Variants in SORCS2 observed in about 807,000 individuals in gnomAD.
SORCS2 encodes sortilin related VPS10 domain containing receptor 2.
A neutral mutation model predicts 141.6 loss-of-function variants in SORCS2; 100 were observed. That is an observed-to-expected ratio of 0.71 (90% confidence interval 0.60 to 0.83). The LOEUF is 0.83. Ranked by LOEUF, SORCS2 falls within the 40% of genes least tolerant of loss-of-function variation. SORCS2 has a pLI of 0.00. For synonymous variants in SORCS2, 789 were observed against 676.9 expected, an observed-to-expected ratio of 1.17 and a Z score of -2.57; for missense variants, 1,646 against 1,560.2, an observed-to-expected ratio of 1.05 and a Z score of -0.93.
chr4:7,717,619 C>T (rs1726281600), intron 17 of SORCS2, among the ~76,000 whole-genome samples: 1 of 152,134 alleles, frequency 6.6e-6, no homozygotes, highest in South Asian at 2.1e-4. Flanking sequence ...GGAGGCAGGA[C>T]CCCAGGCCCT....
chr4:7,668,260 T>C (rs780168086), intron 8 of SORCS2, among the ~76,000 whole-genome samples: 30 of 152,216 alleles, frequency 2.0e-4, no homozygotes, highest in Non-Finnish European at 3.5e-4. Flanking sequence ...CACAGAGTGA[T>C]GGAGGGCGTG....
At chr4:7,280,659 A>T (rs535150330) in intron 1 of SORCS2, among the ~76,000 whole-genome samples, 11 of 152,186 alleles carry the variant, frequency 7.2e-5, no homozygotes, top group Admixed American at 2.0e-4. Flanking sequence ...ACTGATTTCA[A>T]TTCCCACCAT....
intron 3 of SORCS2, among the ~76,000 whole-genome samples, chr4:7,597,027 C>T (rs756557405): frequency 6.6e-6 from 1 of 151,960 alleles, no homozygotes; most frequent in Non-Finnish European, 1.5e-5. Flanking sequence ...TGCCACCTCT[C>T]TGTGCCTGGG....
chr4:7,489,054 G>A (rs1485714179), intron 2 of SORCS2, among the ~76,000 whole-genome samples: 3 of 152,168 alleles, frequency 2.0e-5, no homozygotes, highest in Non-Finnish European at 4.4e-5. Flanking sequence ...CTAAGGCTGG[G>A]GATACCTTCA....
intron 2 of SORCS2, among the ~76,000 whole-genome samples, chr4:7,398,963 C>A (rs557964997): frequency 6.6e-6 from 1 of 152,362 alleles, no homozygotes; most frequent in African/African-American, 2.4e-5. Flanking sequence ...CCCACCTGGG[C>A]AGTGCCCTGC....
intron 1 of SORCS2, among the ~76,000 whole-genome samples, chr4:7,210,419 C>A (rs1727995215): frequency 6.6e-6 from 1 of 152,244 alleles, no homozygotes; most frequent in Non-Finnish European, 1.5e-5. Flanking sequence ...GTAACTAGGA[C>A]TATAGGCACG....
intron 4 of SORCS2, among the ~76,000 whole-genome samples, chr4:7,645,153 A>G (rs55844833): frequency 0.046 from 6,976 of 152,196 alleles, 527 homozygotes; most frequent in African/African-American, 0.16. Flanking sequence ...TTAGGCATCT[A>G]TTGACTGTGG....
At chr4:7,683,709 T>G (rs10011932) in intron 10 of SORCS2, among the ~76,000 whole-genome samples, 9,132 of 152,286 alleles carry the variant, frequency 0.06, 401 homozygotes, top group African/African-American at 0.11. Context: ...ACCATCGCAC[T>G]GCCAGTAAGT....
At chr4:7,637,912 C>A (rs1358666609) in intron 3 of SORCS2, among the ~76,000 whole-genome samples, 4 of 151,420 alleles carry the variant, frequency 2.6e-5, no homozygotes, top group South Asian at 2.1e-4. Context: ...GTGGACCCAC[C>A]ATTTCTGGGC....
intron 2 of SORCS2, among the ~76,000 whole-genome samples, chr4:7,521,332 A>G (rs1354926828): frequency 6.6e-6 from 1 of 151,928 alleles, no homozygotes; most frequent in Non-Finnish European, 1.5e-5. Context: ...CTCGTCCCTA[A>G]CACTGGGCAC....
In SORCS2 at chr4:7,574,419, G is replaced by A. The variant is rs78986260; in HGVS notation, c.648+42790G>A. ...GTTGTTTACAGCCATGTCTTAGAGA[G>A]TGATGACGTGTTCTTCCAGCTCTCG... On this transcript the variant is annotated intron_variant, in intron 3 of 26. Transcript: ENST00000507866. Among the ~76,000 whole-genome samples the A allele has an allele frequency of 6.1e-3, 936 of 152,348 alleles. 11 individuals are homozygous for A. Among genetic ancestry groups the A allele is most frequent in the African/African-American group, 0.022 (899 of 41,576 alleles).
chr4:7,685,199 C>T (rs971865276), intron 10 of SORCS2, among the ~76,000 whole-genome samples: 13 of 152,322 alleles, frequency 8.5e-5, no homozygotes, highest in South Asian at 4.1e-4. Flanking sequence ...CTCTTGTCTG[C>T]GATTATGCAG....
chr4:7,542,821 T>G (rs1712786719), intron 3 of SORCS2, among the ~76,000 whole-genome samples: 1 of 152,116 alleles, frequency 6.6e-6, no homozygotes, highest in Non-Finnish European at 1.5e-5. Context: ...TTGCTCAGGG[T>G]GGGTGGCTGG....
chr4:7,402,083 G>T (rs1183441582), intron 2 of SORCS2, among the ~76,000 whole-genome samples: 3 of 152,168 alleles, frequency 2.0e-5, no homozygotes, highest in Non-Finnish European at 4.4e-5. Context: ...ATGGTGAGCA[G>T]GAATAATGTA....
At chr4:7,546,283 A>G (rs1005976475) in intron 3 of SORCS2, among the ~76,000 whole-genome samples, 3 of 152,130 alleles carry the variant, frequency 2.0e-5, no homozygotes, top group African/African-American at 7.2e-5. Context: ...CCAAGGCTCA[A>G]TTCACCAAGG....
chr4:7,432,272 G>A (rs1345759777), intron 2 of SORCS2: 1 of 152,154 alleles, frequency 6.6e-6, no homozygotes, highest in Non-Finnish European at 1.5e-5. Context: ...GAGAACGCTT[G>A]TGGTTTATAC....
intron 3 of SORCS2, among the ~76,000 whole-genome samples, chr4:7,549,705 C>T (rs1181889348): frequency 6.6e-6 from 1 of 152,214 alleles, no homozygotes; most frequent in Non-Finnish European, 1.5e-5. Context: ...TTCCTTTCTG[C>T]CTGCCCACAG....
intron 17 of SORCS2, among the ~76,000 whole-genome samples, chr4:7,716,063 T>A (rs1234765406): frequency 2.0e-5 from 3 of 152,100 alleles, no homozygotes; most frequent in Non-Finnish European, 4.4e-5. Context: ...GACATACTGC[T>A]ATGAAGGATT....
chr4:7,401,306 G>C (rs1466331680), intron 2 of SORCS2, among the ~76,000 whole-genome samples: 4 of 152,164 alleles, frequency 2.6e-5, no homozygotes, highest in African/African-American at 9.7e-5. Context: ...TAAATGGATG[G>C]ATAGGCAGAC....
Sources: gnomAD v4.1 joint callset for allele counts (sites outside exome capture counted in the v4.1 genomes callset) on GRCh38, gnomAD v4.1.1 for gene constraint, MANE v1.5 for transcripts, NCBI Gene and HGNC (gene_info 2026-07-23, HGNC 2026-07-21) for gene names.